Variants in SLC30A9 observed in about 807,000 individuals in gnomAD.
The protein encoded by SLC30A9 is solute carrier family 30 member 9, also known as proton-coupled zinc antiporter SLC30A9, mitochondrial.
SLC30A9 carries 58 observed loss-of-function variants against 87.5 expected under a neutral mutation model. The observed-to-expected ratio is 0.66, with a 90% CI of 0.54 to 0.82. SLC30A9 has a LOEUF of 0.82. SLC30A9 is among the 40% of genes least tolerant of loss of function. SLC30A9 has a pLI of 0.00. For missense variants in SLC30A9, 557 were observed against 679.1 expected (o/e 0.82, Z 2.00); for synonymous variants, 234 against 233.0 (o/e 1.00, Z -0.04).
At chr4:42,037,616 G>T (rs1164905809) in intron 7 of SLC30A9, among the ~76,000 whole-genome samples, 1 of 151,834 alleles carries the variant, frequency 6.6e-6, no homozygotes, top group Non-Finnish European at 1.5e-5. Context: ...CAAATTTTCT[G>T]CACTTGTCCC....
chr4:42,013,005 G>C (rs991143949), intron 2 of SLC30A9, among the ~76,000 whole-genome samples: 1 of 152,130 alleles, frequency 6.6e-6, no homozygotes, highest in Non-Finnish European at 1.5e-5. Context: ...CTATAACCAG[G>C]CTCAGTGACT....
chr4:42,024,820 T>G (rs573807958), intron 6 of SLC30A9, among the ~76,000 whole-genome samples: 4 of 152,352 alleles, frequency 2.6e-5, no homozygotes, highest in Admixed American at 2.6e-4. Flanking sequence ...TGAGGTTATC[T>G]TCTATGTATA....
chr4:41,999,060 C>A (rs915558392), intron 1 of SLC30A9, among the ~76,000 whole-genome samples: 1 of 152,046 alleles, frequency 6.6e-6, no homozygotes, highest in African/African-American at 2.4e-5. Flanking sequence ...TTTTAAGAGG[C>A]CTCTACTGGC....
chr4:42,067,010 T>A, intron 13 of SLC30A9, 75 bp from the exon 14 acceptor site: 1 of 820,782 alleles, frequency 1.2e-6, no homozygotes, highest in Non-Finnish European at 2.1e-6. Context: ...AATGGATACT[T>A]ATTAAAATGT....
intron 2 of SLC30A9, among the ~76,000 whole-genome samples, chr4:42,015,609 G>T (rs1456394468): frequency 6.6e-6 from 1 of 152,064 alleles, no homozygotes; most frequent in Non-Finnish European, 1.5e-5. Context: ...TTGCTTTTGG[G>T]ATTATCCTGT....
At chr4:42,078,491 T>C (rs1718644055) in intron 17 of SLC30A9, 166 bp downstream of exon 17, 2 of 428,228 alleles carry the variant, frequency 4.7e-6, no homozygotes, top group Non-Finnish European at 4.2e-6. Context: ...GTTAGATAAG[T>C]TGAATAATTT....
intron 14 of SLC30A9, 38 bp from the exon 15 acceptor site, chr4:42,070,488 A>T: frequency 1.3e-6 from 2 of 1,540,714 alleles, no homozygotes; most frequent in Non-Finnish European, 1.8e-6. Context: ...AATAATATAA[A>T]CTGTTAATTT....
chr4:42,066,494 T>G (rs1718081121), intron 12 of SLC30A9, 56 bp from the exon 13 acceptor site: 3 of 1,148,648 alleles, frequency 2.6e-6, no homozygotes. Flanking sequence ...GATGCCATCT[T>G]TAAAGTTTGG....
intron 7 of SLC30A9, among the ~76,000 whole-genome samples, chr4:42,037,917 C>T (rs998489975): frequency 2.6e-5 from 4 of 151,972 alleles, no homozygotes; most frequent in African/African-American, 9.7e-5. Flanking sequence ...ATTACGGGCA[C>T]CCACTACCAC....
In SLC30A9 at chr4:42,057,453, C is replaced by A. The variant is rs536380371; in HGVS notation, c.841-2738C>A. On this transcript the variant is annotated intron_variant, in intron 9 of 17. Transcript: ENST00000264451. ...AGCTGCCAAGGCTTGGGGCTTCCACCTACTGAAGCAATAGCTGGAGCTGTA... is the reference window on the plus strand; with the variant it reads ...AGCTGCCAAGGCTTGGGGCTTCCACATACTGAAGCAATAGCTGGAGCTGTA... 3.3e-5 allele frequency among the ~76,000 whole-genome samples: 5 copies of A among 152,322 alleles called. No individual in the cohort carries two copies. The South Asian group carries it at 1.0e-3, about 32-fold the overall frequency.
rs150360651 is a variant in SLC30A9 at position 42,054,755 on chromosome 4, C to A, written c.840+5276C>A. The stretch of plus-strand genomic sequence containing the variant: ...TGACCTTGTGATCCACCTGCCTCGG[C>A]CTCCCAAAGTGCTGGGATTACAGAC... On this transcript the variant is annotated intron_variant, in intron 9 of 17. Coordinates refer to ENST00000264451, the MANE Select transcript of SLC30A9 (RefSeq NM_006345.4). Among the ~76,000 whole-genome samples the A allele has an allele frequency of 1.6e-4, 24 of 151,660 alleles. No homozygotes were observed. In the East Asian group the frequency reaches 4.2e-3, roughly 26 times the overall value.
intron 6 of SLC30A9, among the ~76,000 whole-genome samples, chr4:42,033,181 T>G (rs1276860089): frequency 6.6e-6 from 1 of 152,206 alleles, no homozygotes; most frequent in Non-Finnish European, 1.5e-5. Flanking sequence ...ATTTTGTTTT[T>G]ATTTTATAAT....
Position 42,081,248 on chromosome 4 carries a change from G to A in SLC30A9, c.1662+2923G>A, listed in dbSNP as rs529716601. 2.6e-5 allele frequency among the ~76,000 whole-genome samples: 4 copies of A among 152,162 alleles called. No individual in the cohort carries two copies. The East Asian group carries it at 7.7e-4, about 29-fold the overall frequency. ...TTTTAAAAGTGAACTCAAGGGTTTA[G>A]GTTTAATAAAATGGATATATTTGCT... is the stretch of plus-strand genomic sequence containing the variant. On this transcript the variant is annotated intron_variant, in intron 17 of 17. Transcript: ENST00000264451.
chr4:42,068,568 A>C (rs1467092022), intron 14 of SLC30A9, among the ~76,000 whole-genome samples: 3 of 152,170 alleles, frequency 2.0e-5, no homozygotes, highest in Non-Finnish European at 4.4e-5. Flanking sequence ...TGTTTGTATC[A>C]GTTAGCTTAT....
Position 42,089,880 on chromosome 4 carries a change from CACAT to C in SLC30A9, c.*3756_*3759del, listed in dbSNP as rs1719040512. ...CTGCATACATCCTCCTACACACACA[CACAT>C]AGTGCAAAGTGAATAACAAAATGTC... On this transcript the variant is annotated 3_prime_UTR_variant, in exon 18 of 18. Transcript: ENST00000264451. 6.6e-6 allele frequency: 1 copy of C among 152,200 alleles called. No individual in the cohort carries two copies. The highest frequency in any genetic ancestry group is 2.4e-5 in the African/African-American group (1 of 41,454). 9.4% of individuals were successfully genotyped at this position (152,200 alleles called of 1,614,324 possible).
chr4:42,061,304 A>G (rs1205970445), intron 10 of SLC30A9, among the ~76,000 whole-genome samples: 1 of 152,256 alleles, frequency 6.6e-6, no homozygotes, highest in Non-Finnish European at 1.5e-5. Context: ...AACTATATTT[A>G]GTTTTAATTT....
intron 2 of SLC30A9, among the ~76,000 whole-genome samples, chr4:42,013,946 T>G (rs1238668929): frequency 7.9e-5 from 12 of 152,072 alleles, no homozygotes; most frequent in Non-Finnish European, 1.8e-4. Context: ...GTCAACAAAA[T>G]GAAGAGACAA....
At chr4:42,059,272 C>A (rs1301520448) in intron 9 of SLC30A9, among the ~76,000 whole-genome samples, 1 of 152,026 alleles carries the variant, frequency 6.6e-6, no homozygotes, top group Non-Finnish European at 1.5e-5. Context: ...CACTCAGAGG[C>A]TTTATATTTT....
intron 17 of SLC30A9, among the ~76,000 whole-genome samples, chr4:42,085,734 A>G (rs113546955): frequency 1.5e-3 from 230 of 152,090 alleles, no homozygotes; most frequent in African/African-American, 5.2e-3. Flanking sequence ...GTGGTTGTCA[A>G]TTTACTCTTT....
Sources: gnomAD v4.1 joint callset for allele counts (sites outside exome capture counted in the v4.1 genomes callset) on GRCh38, gnomAD v4.1.1 for gene constraint, MANE v1.5 for transcripts, NCBI Gene and HGNC (gene_info 2026-07-23, HGNC 2026-07-21) for gene names.